Variants in PHACTR3 observed in about 807,000 individuals in gnomAD.
PHACTR3 encodes the protein protein phosphatase 1, regulatory subunit 123.
Under a neutral mutation model 66.8 loss-of-function variants are expected in PHACTR3, and 16 were observed. The observed-to-expected ratio is 0.24, with a 90% confidence interval of 0.16 to 0.36. The LOEUF is 0.36. PHACTR3 is among the 10% of genes least tolerant of loss of function. PHACTR3 has a pLI of 1.00. For synonymous variants in PHACTR3, 323 were observed against 292.1 expected (o/e 1.11, Z -1.08); for missense variants, 647 against 719.9 (o/e 0.90, Z 1.16).
intron 8 of PHACTR3, among the ~76,000 whole-genome samples, chr20:59,822,968 C>G (rs555615265): frequency 1.2e-4 from 18 of 152,224 alleles, no homozygotes; most frequent in African/African-American, 4.3e-4. Context: ...GGGCCCTGCC[C>G]GAGCAAAAGA....
chr20:59,755,124 A>G, intron 3 of PHACTR3, 58 bp from the exon 4 acceptor site: 1 of 1,547,418 alleles, frequency 6.5e-7, no homozygotes, highest in South Asian at 1.2e-5. Flanking sequence ...TCTTGGGACG[A>G]CGGAAGGGAT....
intron 1 of PHACTR3, among the ~76,000 whole-genome samples, chr20:59,721,889 AAAG>A (rs1370716300): frequency 6.6e-6 from 1 of 151,274 alleles, no homozygotes; most frequent in Non-Finnish European, 1.5e-5. Context: ...ACAGAAAAGA[AAAG>A]AAATACACAA....
chr20:59,821,447 C>T (rs1354878474), intron 8 of PHACTR3, among the ~76,000 whole-genome samples: 4 of 152,198 alleles, frequency 2.6e-5, no homozygotes, highest in African/African-American at 9.7e-5. Context: ...TACATCTCAG[C>T]TGAGTCAGCT....
intron 1 of PHACTR3, among the ~76,000 whole-genome samples, chr20:59,712,924 G>T (rs560272688): frequency 2.3e-4 from 35 of 152,228 alleles, no homozygotes; most frequent in African/African-American, 6.3e-4. Context: ...ATTTACTTTT[G>T]ATTTCAAACC....
At chr20:59,640,513 G>T (rs1190027884) in intron 1 of PHACTR3, among the ~76,000 whole-genome samples, 1 of 152,186 alleles carries the variant, frequency 6.6e-6, no homozygotes, top group East Asian at 1.9e-4. Context: ...GAGGGGCGGG[G>T]ACTGTAGCAA....
chr20:59,726,403 A>G (rs770245138), intron 1 of PHACTR3, among the ~76,000 whole-genome samples: 2 of 152,146 alleles, frequency 1.3e-5, no homozygotes, highest in Non-Finnish European at 2.9e-5. Context: ...CTGCTGCTGG[A>G]ATCACTGCAC....
chr20:59,794,576 C>T (rs75078655), intron 7 of PHACTR3, among the ~76,000 whole-genome samples: 3,243 of 152,222 alleles, frequency 0.021, 124 homozygotes, highest in African/African-American at 0.073. Context: ...GGAAATACTC[C>T]TTCCTTTTCA....
chr20:59,626,037 T>C (rs1046062823), intron 1 of PHACTR3, among the ~76,000 whole-genome samples: 5 of 152,114 alleles, frequency 3.3e-5, no homozygotes, highest in Admixed American at 2.0e-4. Flanking sequence ...GACCAAACTT[T>C]AGAGGGGGTC....
chr20:59,733,924 T>C (rs1010274590), intron 1 of PHACTR3, among the ~76,000 whole-genome samples: 22 of 152,114 alleles, frequency 1.4e-4, no homozygotes, highest in African/African-American at 4.8e-4. Flanking sequence ...GGCTCTTCCA[T>C]ATGTGTGAGT....
rs535973919 is a variant in PHACTR3, at chr20:59,591,097, G to A, written c.109+13480G>A. On this transcript the variant is annotated intron_variant, in intron 1 of 12. Transcript: ENST00000359926. ...TGGCTTCCATGATGGGCAGTGCCACGTACATCATCTTCATTCTCGTAGAAT... is the reference window on the plus strand; with the variant it reads ...TGGCTTCCATGATGGGCAGTGCCACATACATCATCTTCATTCTCGTAGAAT... Among the ~76,000 whole-genome samples the A allele has an allele frequency of 3.5e-4, 54 of 152,312 alleles. 2 individuals carry two copies. The South Asian group carries it at 9.4e-3, about 26-fold the overall frequency.
chr20:59,599,491 C>A (rs1159675290), intron 1 of PHACTR3, among the ~76,000 whole-genome samples: 2 of 151,968 alleles, frequency 1.3e-5, no homozygotes, highest in Non-Finnish European at 2.9e-5. Flanking sequence ...CAGTTTACAA[C>A]CCCATTGTGA....
At chr20:59,597,866 C>T (rs2033367631) in intron 1 of PHACTR3, among the ~76,000 whole-genome samples, 1 of 152,240 alleles carries the variant, frequency 6.6e-6, no homozygotes, top group African/African-American at 2.4e-5. Flanking sequence ...GCAGTCAGGA[C>T]TGCAAACTGC....
chr20:59,781,666 G>A (rs1345383319), intron 7 of PHACTR3, among the ~76,000 whole-genome samples: 1 of 152,150 alleles, frequency 6.6e-6, no homozygotes, highest in Non-Finnish European at 1.5e-5. Context: ...ATACATTAGG[G>A]GTACCATGCT....
rs373607240 is a variant in PHACTR3, at chr20:59,773,137, G to C, written c.752-142G>C. On this transcript the variant is annotated intron_variant, in intron 5 of 12. Transcript: ENST00000371015. The stretch of plus-strand genomic sequence containing the variant: ...CTCTAGCTTTGGGAGCAGGGATCCC[G>C]GTCCAGCATCTTGGCATTAGTTGGG... The C allele has an allele frequency of 4.5e-5, 41 of 901,940 alleles. No individual in the cohort carries two copies. The African/African-American group carries it at 6.0e-4, about 13-fold the overall frequency. 55.9% of individuals were successfully genotyped at this position (901,940 alleles called of 1,614,324 possible).
In PHACTR3 at chr20:59,784,128, A is replaced by C. The variant is rs187735986; in HGVS notation, c.1174+9638A>C. Among the ~76,000 whole-genome samples the C allele has an allele frequency of 1.4e-3, 213 of 152,244 alleles. 1 individual carries two copies. Among genetic ancestry groups the C allele is most frequent in the Admixed American group, 0.013 (196 of 15,296 alleles). On this transcript the variant is annotated intron_variant, in intron 7 of 12. Transcript: ENST00000371015. The stretch of plus-strand genomic sequence containing the variant: ...TTGAGTGGCCCTCTCCAGTCAGTTA[A>C]AGGTTTGAGAATAAATTGGAGTTTC...
chr20:59,590,473 C>G (rs1357557210), intron 1 of PHACTR3, among the ~76,000 whole-genome samples: 2 of 152,200 alleles, frequency 1.3e-5, no homozygotes. Flanking sequence ...GCCTGTTTCA[C>G]CACATCTTCA....
At chr20:59,674,822 A>G (rs535513441) in intron 1 of PHACTR3, among the ~76,000 whole-genome samples, 848 of 11,514 alleles carry the variant, frequency 0.074, 25 homozygotes, top group African/African-American at 0.088. Context: ...CCTGTCCCCC[A>G]CTTCTCCTGT....
intron 8 of PHACTR3, among the ~76,000 whole-genome samples, chr20:59,814,922 A>C (rs1481498530): frequency 6.6e-6 from 1 of 151,992 alleles, no homozygotes; most frequent in East Asian, 1.9e-4. Flanking sequence ...TCAAGGGTAA[A>C]GGGCTTCTGT....
intron 1 of PHACTR3, among the ~76,000 whole-genome samples, chr20:59,633,125 C>T (rs7263707): frequency 4.6e-5 from 7 of 152,252 alleles, no homozygotes; most frequent in East Asian, 3.9e-4. Context: ...AGTGACACAG[C>T]GTGTGCTAGA....
Sources: allele counts gnomAD v4.1 joint callset (sites outside exome capture counted in the v4.1 genomes callset), GRCh38; gene constraint gnomAD v4.1.1; transcripts MANE v1.5; gene names NCBI Gene and HGNC (gene_info 2026-07-23, HGNC 2026-07-21).